The following UBE2E2 variants were observed in gnomAD, a reference collection of about 807,000 sequenced individuals.
The protein encoded by UBE2E2 is ubiquitin conjugating enzyme E2 E2.
UBE2E2 carries 6 observed loss-of-function variants against 24.7 expected under a neutral mutation model. The observed-to-expected ratio is 0.24, with a 90% confidence interval of 0.13 to 0.48. The LOEUF is 0.48. Among genes scored for constraint, UBE2E2 ranks in the 20% least tolerant of loss-of-function variants. UBE2E2 has a pLI of 0.99. For synonymous variants in UBE2E2, 104 were observed against 83.6 expected, an observed-to-expected ratio of 1.24 and a Z score of -1.33; for missense variants, 169 against 245.0, an observed-to-expected ratio of 0.69 and a Z score of 2.07.
chr3:23,585,583 G>T (rs908329809), intron 5 of UBE2E2, among the ~76,000 whole-genome samples: 1 of 152,114 alleles, frequency 6.6e-6, no homozygotes, highest in Non-Finnish European at 1.5e-5. Flanking sequence ...TTCTGCATAA[G>T]TCTGAACATG....
chr3:23,482,739 A>T (rs1699284386), intron 3 of UBE2E2, among the ~76,000 whole-genome samples: 2 of 152,170 alleles, frequency 1.3e-5, no homozygotes, highest in Non-Finnish European at 2.9e-5. Context: ...GGTTTATGAG[A>T]TTAAATAGGG....
chr3:23,371,713 T>C (rs1178516410), intron 3 of UBE2E2, among the ~76,000 whole-genome samples: 1 of 152,156 alleles, frequency 6.6e-6, no homozygotes, highest in Non-Finnish European at 1.5e-5. Context: ...GAATGAAACC[T>C]TCTGAATAAT....
At chr3:23,585,249 G>A (rs1392097061) in intron 5 of UBE2E2, among the ~76,000 whole-genome samples, 1 of 151,616 alleles carries the variant, frequency 6.6e-6, no homozygotes, top group Admixed American at 6.6e-5. Context: ...CTGTGTGCCT[G>A]TAGTCCCAGC....
At chr3:23,248,676 A>C (rs1003108231) in intron 3 of UBE2E2, among the ~76,000 whole-genome samples, 4 of 152,064 alleles carry the variant, frequency 2.6e-5, no homozygotes, top group African/African-American at 7.2e-5. Flanking sequence ...TCATTCAGCC[A>C]TTCCTTTTAT....
intron 5 of UBE2E2, among the ~76,000 whole-genome samples, chr3:23,588,574 G>T (rs1675087594): frequency 6.6e-6 from 1 of 151,834 alleles, no homozygotes; most frequent in African/African-American, 2.4e-5. Flanking sequence ...GAGCCACCGT[G>T]CCCCAATTTT....
At chr3:23,572,597 C>G (rs1696253329) in intron 5 of UBE2E2, among the ~76,000 whole-genome samples, 1 of 152,012 alleles carries the variant, frequency 6.6e-6, no homozygotes, top group Admixed American at 6.6e-5. Context: ...CTGTGTGTGC[C>G]CAGGCTTAAC....
intron 3 of UBE2E2, among the ~76,000 whole-genome samples, chr3:23,340,902 A>G (rs561360235): frequency 4.4e-4 from 67 of 152,242 alleles, no homozygotes; most frequent in South Asian, 1.7e-3. Flanking sequence ...TGTTTCCTCA[A>G]TTCCTACACT....
At chr3:23,365,832 T>C (rs1211149119) in intron 3 of UBE2E2, among the ~76,000 whole-genome samples, 1 of 152,148 alleles carries the variant, frequency 6.6e-6, no homozygotes, top group African/African-American at 2.4e-5. Flanking sequence ...AGAACAAGGT[T>C]GGAGGCATCA....
chr3:23,560,930 G>T (rs563557100), intron 5 of UBE2E2, among the ~76,000 whole-genome samples: 1 of 151,922 alleles, frequency 6.6e-6, no homozygotes, highest in Non-Finnish European at 1.5e-5. Context: ...TTTTTTTCTT[G>T]TAAATTTGTT....
chr3:23,265,135 G>A (rs1326086851), intron 3 of UBE2E2, among the ~76,000 whole-genome samples: 2 of 152,304 alleles, frequency 1.3e-5, no homozygotes, highest in African/African-American at 2.4e-5. Flanking sequence ...TTTGTTTAAG[G>A]AATTGAAGAG....
At chr3:23,257,848 T>A (rs1470188516) in intron 3 of UBE2E2, among the ~76,000 whole-genome samples, 2 of 152,144 alleles carry the variant, frequency 1.3e-5, no homozygotes, top group Non-Finnish European at 1.5e-5. Context: ...GATTATAAAA[T>A]TAGAATTTTA....
At position 23,511,198 on chromosome 3, in the gene UBE2E2, G is replaced by A. The variant is rs370647462; in HGVS notation, c.360+11458G>A. Among the ~76,000 whole-genome samples the A allele has an allele frequency of 8.5e-5, 13 of 152,258 alleles. No homozygotes were observed. In the East Asian group the frequency reaches 1.3e-3, roughly 16 times the overall value. On this transcript the variant is annotated intron_variant, in intron 4 of 5. Coordinates refer to ENST00000396703, the MANE Select transcript of UBE2E2 (RefSeq NM_152653.4). ...CCCTTTGTATTGTAGAATACATAGCGGCATGCCTGATCTCTACCCACTAAA... is the reference window on the plus strand; with the variant it reads ...CCCTTTGTATTGTAGAATACATAGCAGCATGCCTGATCTCTACCCACTAAA...
chr3:23,445,280 C>G (rs1698401626), intron 3 of UBE2E2, among the ~76,000 whole-genome samples: 2 of 152,154 alleles, frequency 1.3e-5, no homozygotes, highest in Admixed American at 6.5e-5. Context: ...TTGACATGCT[C>G]CATTTTGGTA....
intron 3 of UBE2E2, among the ~76,000 whole-genome samples, chr3:23,252,501 T>C (rs118046396): frequency 0.029 from 4,395 of 152,320 alleles, 110 homozygotes; most frequent in East Asian, 0.13. Context: ...AAAAATTTTT[T>C]TTTTTAATTT....
chr3:23,485,157 C>T (rs575825547), intron 3 of UBE2E2, among the ~76,000 whole-genome samples: 110 of 145,832 alleles, frequency 7.5e-4, no homozygotes, highest in African/African-American at 2.0e-3. Context: ...TGCAGTGGCA[C>T]GATCTTGGCT....
At chr3:23,521,999 A>G (rs554661159) in intron 4 of UBE2E2, among the ~76,000 whole-genome samples, 58 of 151,426 alleles carry the variant, frequency 3.8e-4, no homozygotes, top group African/African-American at 1.4e-3. Flanking sequence ...TTTAGATACC[A>G]GGTTATCTTT....
chr3:23,588,652 A>C (rs1696686735), intron 5 of UBE2E2, among the ~76,000 whole-genome samples: 1 of 151,934 alleles, frequency 6.6e-6, no homozygotes, highest in Non-Finnish European at 1.5e-5. Context: ...TGTTAAGTTA[A>C]GCACCCTGTT....
chr3:23,358,274 A>T (rs1262290984), intron 3 of UBE2E2, among the ~76,000 whole-genome samples: 1 of 151,286 alleles, frequency 6.6e-6, no homozygotes, highest in Non-Finnish European at 1.5e-5. Context: ...GCAACTACTG[A>T]TTTCATTTCA....
intron 4 of UBE2E2, among the ~76,000 whole-genome samples, chr3:23,520,135 A>T (rs1269522476): frequency 6.6e-6 from 1 of 151,734 alleles, no homozygotes; most frequent in African/African-American, 2.4e-5. Context: ...TTAAAAAAAA[A>T]ACTTTGAGGG....
Sources: gnomAD v4.1 joint callset for allele counts (sites outside exome capture counted in the v4.1 genomes callset) on GRCh38, gnomAD v4.1.1 for gene constraint, MANE v1.5 for transcripts, NCBI Gene and HGNC (gene_info 2026-07-23, HGNC 2026-07-21) for gene names.